PPM1L: variants seen among roughly 807,000 people sequenced by gnomAD.
The protein encoded by PPM1L is protein phosphatase, Mg2+/Mn2+ dependent 1L, also known as protein phosphatase 1L.
PPM1L carries 13 observed loss-of-function variants against 31.4 expected under a neutral mutation model. That is an observed-to-expected ratio of 0.41 (90% CI 0.27 to 0.66). The LOEUF is 0.66. PPM1L is among the 30% of genes least tolerant of loss of function. The pLI is 0.29. For missense variants in PPM1L, 326 were observed against 453.7 expected (o/e 0.72, Z 2.56); for synonymous variants, 184 against 175.4 (o/e 1.05, Z -0.39).
At chr3:160,837,724 G>C (rs927619064) in intron 1 of PPM1L, among the ~76,000 whole-genome samples, 1 of 152,144 alleles carries the variant, frequency 6.6e-6, no homozygotes, top group South Asian at 2.1e-4. Context: ...ACCCTTGGAG[G>C]TCAGAACACA....
intron 1 of PPM1L, among the ~76,000 whole-genome samples, chr3:160,858,462 G>C (rs764554964): frequency 4.6e-5 from 7 of 152,092 alleles, no homozygotes; most frequent in Non-Finnish European, 1.0e-4. Context: ...GGTCAGGCTG[G>C]TCCTGAACTC....
chr3:160,950,363 G>A (rs762687785), intron 1 of PPM1L, among the ~76,000 whole-genome samples: 23 of 152,270 alleles, frequency 1.5e-4, no homozygotes, highest in Non-Finnish European at 2.4e-4. Context: ...AAGGGAAAAC[G>A]ATTTGGGGAT....
intron 1 of PPM1L, among the ~76,000 whole-genome samples, chr3:160,906,690 C>T (rs1241077211): frequency 1.3e-5 from 2 of 152,186 alleles, no homozygotes; most frequent in Non-Finnish European, 2.9e-5. Context: ...AAGTTACAGT[C>T]AGGATGGTGG....
intron 1 of PPM1L, among the ~76,000 whole-genome samples, chr3:160,797,597 T>C (rs530839317): frequency 6.6e-6 from 1 of 152,288 alleles, no homozygotes; most frequent in East Asian, 1.9e-4. Flanking sequence ...AAGTTGTGAA[T>C]GCAAAAGAAA....
At chr3:160,844,545 T>C (rs1004983732) in intron 1 of PPM1L, among the ~76,000 whole-genome samples, 34 of 152,314 alleles carry the variant, frequency 2.2e-4, no homozygotes, top group African/African-American at 7.5e-4. Flanking sequence ...TTTGCAAATC[T>C]TTTCTTGCCA....
chr3:160,975,194 G>A lies in PPM1L; in HGVS notation c.574+13284G>A, dbSNP rs867816918. On this transcript the variant is annotated intron_variant, in intron 2 of 3. Transcript: ENST00000498165. ...GATTAGATAGTTGTAGATATGCGGC[G>A]TTATTTCTGAGGGCTCTGTTCTGTT... is the stretch of plus-strand genomic sequence containing the variant. 1.8e-3 allele frequency among the ~76,000 whole-genome samples: 267 copies of A among 152,118 alleles called. 1 individual carries two copies. Among genetic ancestry groups the A allele is most frequent in the Middle Eastern group, 6.8e-3 (2 of 294 alleles).
At chr3:160,773,099 A>G (rs1209839087) in intron 1 of PPM1L, among the ~76,000 whole-genome samples, 6 of 152,178 alleles carry the variant, frequency 3.9e-5, no homozygotes, top group Non-Finnish European at 8.8e-5. Context: ...TGGTAGGTGT[A>G]TGTTAACTTC....
At chr3:160,976,240 G>A (rs1716568743) in intron 2 of PPM1L, among the ~76,000 whole-genome samples, 1 of 145,666 alleles carries the variant, frequency 6.9e-6, no homozygotes, top group Admixed American at 7.0e-5. Flanking sequence ...GATCATGGTG[G>A]ATAAGCTTTT....
At chr3:160,759,025 T>C (rs904253280) in intron 1 of PPM1L, among the ~76,000 whole-genome samples, 1 of 152,226 alleles carries the variant, frequency 6.6e-6, no homozygotes, top group Non-Finnish European at 1.5e-5. Context: ...ATTGGGAGTA[T>C]AACAGTGACA....
chr3:160,932,217 T>C (rs1258514976), intron 1 of PPM1L, among the ~76,000 whole-genome samples: 1 of 152,210 alleles, frequency 6.6e-6, no homozygotes, highest in Admixed American at 6.5e-5. Context: ...TAGGATGGAT[T>C]GAGAAAAGCC....
chr3:160,829,876 G>A (rs527643401), intron 1 of PPM1L, among the ~76,000 whole-genome samples: 1 of 152,270 alleles, frequency 6.6e-6, no homozygotes, highest in Admixed American at 6.5e-5. Context: ...TTGTCCCATT[G>A]GCATGCCTTT....
chr3:161,068,804 T>G lies in PPM1L; in HGVS notation c.737-7T>G, dbSNP rs1559943587. 6.2e-7 allele frequency: 1 copy of G among 1,602,334 alleles called. No homozygotes were observed. ...GTCAAACTAATGGGCTCATCCTGTC[T>G]TTCTAGGTGGTTTCATCAGTTTCAA... is the stretch of plus-strand genomic sequence containing the variant. On this transcript the variant is annotated splice_polypyrimidine_tract_variant and splice_region_variant and intron_variant, in intron 3 of 3. Transcript: ENST00000498165.
chr3:160,841,983 T>C (rs985386199), intron 1 of PPM1L, among the ~76,000 whole-genome samples: 1 of 152,166 alleles, frequency 6.6e-6, no homozygotes. Flanking sequence ...ATATAAAATA[T>C]AGGAATAAAG....
chr3:160,879,664 A>G (rs1466235994), intron 1 of PPM1L, among the ~76,000 whole-genome samples: 1 of 152,352 alleles, frequency 6.6e-6, no homozygotes, highest in East Asian at 1.9e-4. Context: ...GCAGATAACA[A>G]ATTCCTTTAG....
intron 2 of PPM1L, among the ~76,000 whole-genome samples, chr3:161,052,419 G>A (rs1436793338): frequency 2.0e-5 from 3 of 152,216 alleles, no homozygotes; most frequent in Non-Finnish European, 2.9e-5. Context: ...CTCCATCTTC[G>A]TAGTCCTGGG....
intron 1 of PPM1L, among the ~76,000 whole-genome samples, chr3:160,863,339 C>T (rs1036780478): frequency 1.3e-5 from 2 of 152,134 alleles, no homozygotes; most frequent in African/African-American, 4.8e-5. Flanking sequence ...CTTTTTCAGC[C>T]CCTGGGGTAC....
intron 1 of PPM1L, among the ~76,000 whole-genome samples, chr3:160,780,737 T>C (rs1711719799): frequency 6.6e-6 from 1 of 152,146 alleles, no homozygotes; most frequent in African/African-American, 2.4e-5. Context: ...GCACAGGAGA[T>C]TTAGACTCAA....
At chr3:161,027,143 G>C (rs1219464156) in intron 2 of PPM1L, among the ~76,000 whole-genome samples, 1 of 152,190 alleles carries the variant, frequency 6.6e-6, no homozygotes, top group Non-Finnish European at 1.5e-5. Context: ...TAACCACATT[G>C]TAAATGCTTA....
At chr3:160,859,808 C>T (rs1455966527) in intron 1 of PPM1L, among the ~76,000 whole-genome samples, 1 of 152,068 alleles carries the variant, frequency 6.6e-6, no homozygotes, top group Non-Finnish European at 1.5e-5. Flanking sequence ...CAAGAAAATA[C>T]CTGGGAGCTG....
Sources: gnomAD v4.1 joint callset for allele counts (sites outside exome capture counted in the v4.1 genomes callset) on GRCh38, gnomAD v4.1.1 for gene constraint, MANE v1.5 for transcripts, NCBI Gene and HGNC (gene_info 2026-07-23, HGNC 2026-07-21) for gene names.